Variants in PARD3B observed in about 807,000 individuals in gnomAD.
PARD3B encodes the protein par-3 family cell polarity regulator beta.
In PARD3B, 103 loss-of-function variants were observed where a neutral mutation model predicts 130.2. The observed-to-expected ratio is 0.79, with a 90% CI of 0.67 to 0.93. PARD3B has a LOEUF of 0.93. Ranked by LOEUF, PARD3B falls within the 40% of genes least tolerant of loss-of-function variation. The pLI, the probability that PARD3B is intolerant of heterozygous loss-of-function variation, is 0.00. For missense variants in PARD3B, 1,609 were observed against 1,499.2 expected, an observed-to-expected ratio of 1.07 and a Z score of -1.21; for synonymous variants, 583 against 553.2, an observed-to-expected ratio of 1.05 and a Z score of -0.76.
chr2:204,978,183 T>C lies in PARD3B; in HGVS notation c.394+12860T>C, dbSNP rs74394075. Among the ~76,000 whole-genome samples, 1,338 of 152,212 alleles carry C rather than the reference T, an allele frequency of 8.8e-3. 25 individuals are homozygous for C. The highest frequency in any genetic ancestry group is 0.031 in the African/African-American group (1,276 of 41,510). ...GGGCATAGAAGACTGGGGAGTGGCA[T>C]TGGAGAGAGTAACCAACACAAACAT... On this transcript the variant is annotated intron_variant, in intron 3 of 22. Transcript: ENST00000406610.
intron 22 of PARD3B, among the ~76,000 whole-genome samples, chr2:205,555,122 T>C (rs2052821327): frequency 1.3e-5 from 2 of 152,304 alleles, no homozygotes; most frequent in African/African-American, 4.8e-5. Flanking sequence ...AGAATGTTCT[T>C]ATGAGAGGGA....
intron 18 of PARD3B, among the ~76,000 whole-genome samples, chr2:205,364,795 A>G (rs2044535950): frequency 6.6e-6 from 1 of 152,194 alleles, no homozygotes; most frequent in African/African-American, 2.4e-5. Context: ...GAGGCCTACA[A>G]TTAGTTTAAT....
chr2:205,067,037 A>G (rs1036502114), intron 4 of PARD3B, among the ~76,000 whole-genome samples: 7 of 143,332 alleles, frequency 4.9e-5, no homozygotes, highest in Non-Finnish European at 9.0e-5. Context: ...GTAGAAACTA[A>G]CACTCTATTT....
rs180772556 is a variant in PARD3B at position 205,489,256 on chromosome 2, C to A, written c.3045-10640C>A. On this transcript the variant is annotated intron_variant, in intron 20 of 22. Transcript: ENST00000406610. ...TGAGACAATATGTATCACACACTTA[C>A]ACATAACTTTGAAGTGTCCAGTATT... Among the ~76,000 whole-genome samples the A allele has an allele frequency of 5.3e-5, 8 of 152,126 alleles. No homozygotes were observed. In the East Asian group the frequency reaches 1.5e-3, roughly 29 times the overall value.
intron 1 of PARD3B, among the ~76,000 whole-genome samples, chr2:204,633,692 G>A (rs899739565): frequency 3.9e-5 from 6 of 152,080 alleles, no homozygotes; most frequent in Non-Finnish European, 7.4e-5. Flanking sequence ...CACACCTGTA[G>A]CCCCAGCTAC....
intron 2 of PARD3B, among the ~76,000 whole-genome samples, chr2:204,761,137 G>A (rs1227251943): frequency 1.3e-5 from 2 of 152,188 alleles, no homozygotes; most frequent in African/African-American, 4.8e-5. Flanking sequence ...GTGGAGCTGG[G>A]ATGCAAACCT....
At position 204,980,483 on chromosome 2, in the gene PARD3B, A is replaced by C. The variant is rs116271147; in HGVS notation, c.394+15160A>C. On this transcript the variant is annotated intron_variant, in intron 3 of 22. Coordinates refer to ENST00000406610, the MANE Select transcript of PARD3B (RefSeq NM_001302769.2). ...GGGATGAACTTGATGACTTACTTCC[A>C]AAGAATAGGATACTGAAAAAGAAAA... 3.3e-3 allele frequency among the ~76,000 whole-genome samples: 507 copies of C among 152,312 alleles called. 5 individuals carry two copies. The highest frequency in any genetic ancestry group is 0.02 in the Middle Eastern group (6 of 294).
Position 205,054,428 on chromosome 2 carries a change from ATATATATATTTT to A in PARD3B, c.504+6740_504+6751del, listed in dbSNP as rs1457011832. Among the ~76,000 whole-genome samples the A allele has an allele frequency of 6.3e-3, 202 of 31,820 alleles. 1 individual carries two copies. The highest frequency in any genetic ancestry group is 0.015 in the East Asian group (15 of 996). The allele number at this position is 31,820 out of a possible 152,430, so 20.9% of individuals were successfully genotyped here. A position where few individuals can be genotyped will look rare whatever the true frequency, so the allele number is the denominator to read the frequency against. On this transcript the variant is annotated intron_variant, in intron 4 of 22. Coordinates refer to ENST00000406610, the MANE Select transcript of PARD3B (RefSeq NM_001302769.2). ...TTTATATATATATATATATATATATATATATATATTTTTTTTTTTTTTTTTTTTTAATTATAC... is the reference window on the plus strand; with the variant it reads ...TTTATATATATATATATATATATATATTTTTTTTTTTTTTTTTAATTATAC...
At position 205,349,489 on chromosome 2, in the gene PARD3B, A is replaced by G. The variant is rs140611630; in HGVS notation, c.2630+47788A>G. ...TTCATCAATAATTTTTTTCAAAATA[A>G]ACTGTGGAAAGAAATCCACTTCCTA... is the stretch of plus-strand genomic sequence containing the variant. On this transcript the variant is annotated intron_variant, in intron 18 of 22. Transcript: ENST00000406610. Among the ~76,000 whole-genome samples the G allele has an allele frequency of 2.5e-3, 383 of 152,328 alleles. 3 individuals are homozygous for G. The highest frequency in any genetic ancestry group is 0.014 in the Middle Eastern group (4 of 294).
intron 16 of PARD3B, among the ~76,000 whole-genome samples, chr2:205,260,455 C>G (rs990223786): frequency 1.3e-5 from 2 of 152,140 alleles, no homozygotes; most frequent in African/African-American, 2.4e-5. Flanking sequence ...TCTGCTGACT[C>G]TCATTCATGG....
chr2:205,457,391 CT>C (rs1334999086), intron 20 of PARD3B, among the ~76,000 whole-genome samples: 1 of 151,692 alleles, frequency 6.6e-6, no homozygotes, highest in African/African-American at 2.4e-5. Context: ...TTATTTTCTC[CT>C]TTTTTTGTCA....
At chr2:204,635,383 C>G (rs2034838977) in intron 1 of PARD3B, among the ~76,000 whole-genome samples, 1 of 152,090 alleles carries the variant, frequency 6.6e-6, no homozygotes, top group South Asian at 2.1e-4. Context: ...TGAAACACAG[C>G]TAAATAAAGA....
At chr2:204,604,617 A>G in intron 1 of PARD3B, among the ~76,000 whole-genome samples, 1 of 152,168 alleles carries the variant, frequency 6.6e-6, no homozygotes, top group East Asian at 1.9e-4. Flanking sequence ...CCTGCATGGT[A>G]GGATTTGCTG....
At position 204,799,732 on chromosome 2, in the gene PARD3B, C is replaced by A. The variant is rs917461789; in HGVS notation, c.222+113450C>A. Among the ~76,000 whole-genome samples the A allele has an allele frequency of 2.0e-5, 3 of 152,148 alleles. No homozygotes were observed. Among genetic ancestry groups the A allele is most frequent in the Non-Finnish European group, 4.4e-5 (3 of 68,020 alleles). ...GAACAAGAGTCTCTGCCTGGTAATCCAGGGACTTCTCCCAGATCTTATCCA... is the reference window on the plus strand; with the variant it reads ...GAACAAGAGTCTCTGCCTGGTAATCAAGGGACTTCTCCCAGATCTTATCCA... On this transcript the variant is annotated intron_variant, in intron 2 of 22. Transcript: ENST00000406610. This position sits in a 1 kb window ranked among gnomAD's most constrained non-coding sequence, Gnocchi z 4.1.
At chr2:204,674,745 C>A (rs963019653) in intron 1 of PARD3B, among the ~76,000 whole-genome samples, 4 of 152,204 alleles carry the variant, frequency 2.6e-5, no homozygotes, top group African/African-American at 9.6e-5. Flanking sequence ...TTATTGTTAC[C>A]TGTAAAATGC....
chr2:204,971,832 TA>T (rs1300168687), intron 3 of PARD3B, among the ~76,000 whole-genome samples: 7 of 132,922 alleles, frequency 5.3e-5, no homozygotes, highest in Non-Finnish European at 9.3e-5. Flanking sequence ...TGTTTTGTTT[TA>T]ATTTTTTTTT....
At chr2:204,633,848 G>A (rs1365707225) in intron 1 of PARD3B, among the ~76,000 whole-genome samples, 1 of 152,108 alleles carries the variant, frequency 6.6e-6, no homozygotes, top group East Asian at 1.9e-4. Context: ...TTTTTAAAAG[G>A]TTTGTGGGTA....
chr2:205,079,112 C>T (rs894920743), intron 4 of PARD3B, among the ~76,000 whole-genome samples: 3 of 152,196 alleles, frequency 2.0e-5, no homozygotes, highest in Non-Finnish European at 4.4e-5. Context: ...TGCTTTATAC[C>T]ACTGAGTTGC....
chr2:205,550,961 A>G lies in PARD3B; in HGVS notation c.3181-2363A>G, dbSNP rs377735750. On this transcript the variant is annotated intron_variant, in intron 21 of 22. Coordinates refer to ENST00000406610, the MANE Select transcript of PARD3B (RefSeq NM_001302769.2). The surrounding 1 kb of genome is among the most constrained non-coding windows in gnomAD (Gnocchi z 4.5). ...TGTGTGTATATATATATGTGTATAT[A>G]TATATATATATATATACACACACAC... Among the ~76,000 whole-genome samples the G allele has an allele frequency of 0.19, 20,146 of 104,174 alleles. 2,147 individuals are homozygous for G. Among genetic ancestry groups the G allele is most frequent in the Middle Eastern group, 0.33 (62 of 188 alleles). The allele number at this position is 104,174 out of a possible 152,430, so 68.3% of individuals were successfully genotyped here.
Sources: allele counts gnomAD v4.1 joint callset (sites outside exome capture counted in the v4.1 genomes callset), GRCh38; gene constraint gnomAD v4.1.1; non-coding constraint Gnocchi (gnomAD v3.1); transcripts MANE v1.5; gene names NCBI Gene and HGNC (gene_info 2026-07-23, HGNC 2026-07-21).